EVC: variants seen among roughly 807,000 people sequenced by gnomAD.
The protein encoded by EVC is evC complex member EVC.
In EVC, 116 loss-of-function variants were observed where a neutral mutation model predicts 118.9. The observed-to-expected ratio is 0.98, with a 90% CI of 0.84 to 1.14. The LOEUF (loss-of-function observed/expected upper bound fraction) is 1.14. EVC is among the 50% of genes most tolerant of loss of function. EVC has a pLI of 0.00. For missense variants in EVC, 1,401 were observed against 1,246.4 expected, an observed-to-expected ratio of 1.12 and a Z score of -1.87; for synonymous variants, 619 against 534.7, an observed-to-expected ratio of 1.16 and a Z score of -2.18.
At chr4:5,776,897 C>G (rs910283345) in intron 11 of EVC, among the ~76,000 whole-genome samples, 3 of 152,100 alleles carry the variant, frequency 2.0e-5, no homozygotes, top group Non-Finnish European at 4.4e-5. Context: ...ATTTCCAGCT[C>G]CTTGCTTAAA....
intron 17 of EVC, among the ~76,000 whole-genome samples, chr4:5,807,925 CCT>C (rs890228524): frequency 9.2e-5 from 14 of 152,196 alleles, no homozygotes; most frequent in African/African-American, 3.4e-4. Flanking sequence ...TCTACTCTGT[CCT>C]GCTGGTGTCA....
rs1280640315 is a variant in EVC at position 5,731,447 on chromosome 4, A to G, written c.407A>G (p.Asn136Ser). ...CAGCCTCTGGCCGATGGCTCCTCCAACCCGTCTCTGCATGAAAACTTAAAG... is the reference window on the plus strand; with the variant it reads ...CAGCCTCTGGCCGATGGCTCCTCCAGCCCGTCTCTGCATGAAAACTTAAAG... ...KFRPLADGSS[N>S]PSLHENLKQA... Residue 136 changes from asparagine (N) to serine (S), a missense_variant, in exon 4 of 21, where the codon AAC becomes AGC. Transcript: ENST00000264956. This position sits in a 1 kb window ranked among gnomAD's most constrained non-coding sequence, Gnocchi z 5.6. 2 of 1,613,056 alleles carry G rather than the reference A, an allele frequency of 1.2e-6. No individual in the cohort carries two copies. Among genetic ancestry groups the G allele is most frequent in the Non-Finnish European group, 1.7e-6 (2 of 1,179,844 alleles).
Position 5,746,527 on chromosome 4 carries a change from G to A in EVC, c.939+1186G>A, listed in dbSNP as rs773949391. ...TTGAGAGGAGAGGCTTGGAGATGGA[G>A]GGTCTCCATGAGAGCCCAGGTTAGA... On this transcript the variant is annotated intron_variant, in intron 7 of 20. Transcript: ENST00000264956. This position sits in a 1 kb window ranked among gnomAD's most constrained non-coding sequence, Gnocchi z 5.8. 1.4e-4 allele frequency among the ~76,000 whole-genome samples: 22 copies of A among 152,286 alleles called. No homozygotes were observed. Among genetic ancestry groups the A allele is most frequent in the Non-Finnish European group, 3.1e-4 (21 of 68,028 alleles).
At chr4:5,770,633 C>T (rs1577511872) in intron 11 of EVC, among the ~76,000 whole-genome samples, 1 of 152,190 alleles carries the variant, frequency 6.6e-6, no homozygotes, top group Non-Finnish European at 1.5e-5. Flanking sequence ...CATTTCTCCA[C>T]CCCTGGGGTT....
At position 5,742,102 on chromosome 4, in the gene EVC, GAC is replaced by G. The variant is rs1728684716; in HGVS notation, c.801+290_801+291del. On this transcript the variant is annotated intron_variant, in intron 6 of 20. Coordinates refer to ENST00000264956, the MANE Select transcript of EVC (RefSeq NM_153717.3). The surrounding 1 kb of genome is among the most constrained non-coding windows in gnomAD (Gnocchi z 5.2). ...TGCACACATTTGGGATATTTTTAAA[GAC>G]ATAATTTGTTTATTGGTTATAGCTA... is the stretch of plus-strand genomic sequence containing the variant. 6.6e-6 allele frequency among the ~76,000 whole-genome samples: 1 copy of G among 152,122 alleles called. No individual in the cohort carries two copies. The highest frequency in any genetic ancestry group is 2.4e-5 in the African/African-American group (1 of 41,426).
Position 5,746,380 on chromosome 4 carries a change from T to C in EVC, c.939+1039T>C, listed in dbSNP as rs554103947. ...TGAGAGAAGCTGTGGTGGTCTACCA[T>C]GGGGCGGCAGGTGGGGAGGAGGAGG... On this transcript the variant is annotated intron_variant, in intron 7 of 20. Coordinates refer to ENST00000264956, the MANE Select transcript of EVC (RefSeq NM_153717.3). This position sits in a 1 kb window ranked among gnomAD's most constrained non-coding sequence, Gnocchi z 5.8. Among the ~76,000 whole-genome samples the C allele has an allele frequency of 7.3e-4, 110 of 149,678 alleles. No homozygotes were observed. The highest frequency in any genetic ancestry group is 6.8e-3 in the Middle Eastern group (2 of 292).
In EVC at chr4:5,745,227, A is replaced by G; in HGVS notation, c.825A>G (p.Gly275=). 6.2e-7 allele frequency: 1 copy of G among 1,613,696 alleles called. No individual in the cohort carries two copies. Among genetic ancestry groups the G allele is most frequent in the East Asian group, 2.2e-5 (1 of 44,866 alleles). The stretch of plus-strand genomic sequence containing the variant: ...AGGATTTGGAGGAACTAGAAAAGGG[A>G]CTTCAGGTCAAACTGTCAAACACAG... The part of the protein sequence containing the change: ...QEKDLEELEK[G]LQVKLSNTEM... Residue 275 remains glycine, a synonymous_variant, in exon 7 of 21, where the codon GGA becomes GGG. Transcript: ENST00000264956.
chr4:5,776,227 T>G (rs1355191268), intron 11 of EVC, among the ~76,000 whole-genome samples: 2 of 152,174 alleles, frequency 1.3e-5, no homozygotes, highest in Non-Finnish European at 2.9e-5. Flanking sequence ...ATTTATAACT[T>G]TTTCATTTTT....
chr4:5,797,362 C>T (rs1714167866), intron 14 of EVC, 130 bp downstream of exon 14: 2 of 782,692 alleles, frequency 2.6e-6, no homozygotes, highest in South Asian at 1.5e-5. Context: ...TATTCATTCG[C>T]CGGGGCTGCC....
chr4:5,779,060 G>A (rs1407952096), intron 11 of EVC, among the ~76,000 whole-genome samples: 82 of 152,134 alleles, frequency 5.4e-4, no homozygotes, highest in South Asian at 6.2e-4. Flanking sequence ...TCTCCATATG[G>A]CTAGCCAGTT....
At position 5,771,154 on chromosome 4, in the gene EVC, T is replaced by C. The variant is rs183264423; in HGVS notation, c.1564-12398T>C. On this transcript the variant is annotated intron_variant, in intron 11 of 20. Transcript: ENST00000264956. ...GGCTTAAAGCAACACAAAGTTATGT[T>C]ACATTTCTGGAGGTCAGAAGTCTGA... 4.2e-4 allele frequency among the ~76,000 whole-genome samples: 64 copies of C among 152,290 alleles called. 1 individual carries two copies. The East Asian group carries it at 5.0e-3, about 12-fold the overall frequency.
rs573927375 is a variant in EVC, at chr4:5,813,910, TCA to T, written c.*2876_*2877del. 117 of 152,304 alleles carry T rather than the reference TCA, an allele frequency of 7.7e-4. 1 individual carries two copies. Among genetic ancestry groups the T allele is most frequent in the African/African-American group, 2.7e-3 (113 of 41,554 alleles). 9.4% of individuals were successfully genotyped at this position (152,304 alleles called of 1,614,324 possible). ...CGTGGGCTGTCGGTGCTTTCATCCG[TCA>T]CAAACTGGCACCTGTACCTGCCAGC... is the stretch of plus-strand genomic sequence containing the variant. On this transcript the variant is annotated 3_prime_UTR_variant, in exon 21 of 21. Coordinates refer to ENST00000264956, the MANE Select transcript of EVC (RefSeq NM_153717.3).
intron 11 of EVC, among the ~76,000 whole-genome samples, chr4:5,780,918 C>T (rs1212703082): frequency 1.3e-5 from 2 of 152,208 alleles, no homozygotes; most frequent in Non-Finnish European, 1.5e-5. Context: ...AGAATCCTCT[C>T]CCCATGGAGT....
chr4:5,800,028 A>C (rs1168837690), intron 15 of EVC, among the ~76,000 whole-genome samples: 1 of 152,200 alleles, frequency 6.6e-6, no homozygotes, highest in Non-Finnish European at 1.5e-5. Context: ...GTACCACCAC[A>C]ACTTCACAAT....
At chr4:5,801,799 C>T in intron 15 of EVC, 151 bp from the exon 16 acceptor site, 1 of 777,378 alleles carries the variant, frequency 1.3e-6, no homozygotes, top group Non-Finnish European at 2.2e-6. Context: ...TTAAACCAGC[C>T]ATGCACTCTC....
intron 5 of EVC, among the ~76,000 whole-genome samples, chr4:5,734,489 C>CA (rs1727355456): frequency 7.4e-6 from 1 of 135,190 alleles, no homozygotes; most frequent in South Asian, 2.4e-4. Flanking sequence ...AAAACAAAAA[C>CA]AAACAAACAA....
downstream of EVC, among the ~76,000 whole-genome samples, chr4:5,816,864 C>T (rs1027873189): frequency 2.0e-5 from 3 of 152,126 alleles, no homozygotes; most frequent in Non-Finnish European, 4.4e-5. Context: ...TCTCAGAGGA[C>T]GTGGACCAAG....
chr4:5,756,429 C>A lies in EVC; in HGVS notation c.1563+67C>A. 1 of 1,392,448 alleles carries A rather than the reference C, an allele frequency of 7.2e-7. No individual in the cohort carries two copies. Among genetic ancestry groups the A allele is most frequent in the Non-Finnish European group, 1.0e-6 (1 of 1,001,482 alleles). 86.3% of individuals were successfully genotyped at this position (1,392,448 alleles called of 1,614,324 possible). A position where few individuals can be genotyped will look rare whatever the true frequency, so the allele number is the denominator to read the frequency against. ...CTGTGTGTGTGCGAGAACCTCACAT[C>A]CTCCTGGCTGGGGACCCCAGAGGTG... On this transcript the variant is annotated intron_variant, in intron 11 of 20. Coordinates refer to ENST00000264956, the MANE Select transcript of EVC (RefSeq NM_153717.3). This position sits in a 1 kb window ranked among gnomAD's most constrained non-coding sequence, Gnocchi z 4.2.
At chr4:5,725,249 T>C (rs1230497610) in intron 2 of EVC, among the ~76,000 whole-genome samples, 3 of 152,200 alleles carry the variant, frequency 2.0e-5, no homozygotes, top group African/African-American at 7.2e-5. Context: ...AGTAAAAGGA[T>C]TGCTGGGACA....
Sources: allele counts gnomAD v4.1 joint callset (sites outside exome capture counted in the v4.1 genomes callset), GRCh38; gene constraint gnomAD v4.1.1; non-coding constraint Gnocchi (gnomAD v3.1); transcripts MANE v1.5; gene names NCBI Gene and HGNC (gene_info 2026-07-23, HGNC 2026-07-21).